The following SLC2A14 variants were observed in gnomAD, a reference collection of about 807,000 sequenced individuals.
The protein encoded by SLC2A14 is solute carrier family 2, facilitated glucose transporter member 14.
Under a neutral mutation model 43.0 loss-of-function variants are expected in SLC2A14, and 13 were observed. The observed-to-expected ratio is 0.30, with a 90% confidence interval of 0.20 to 0.48. The LOEUF (loss-of-function observed/expected upper bound fraction) is 0.48, where lower values mean the gene tolerates loss of function less well. SLC2A14 is among the 20% of genes least tolerant of loss of function. The pLI is 0.99. For missense variants in SLC2A14, 428 were observed against 620.4 expected, an observed-to-expected ratio of 0.69 and a Z score of 3.29; for synonymous variants, 190 against 233.8, an observed-to-expected ratio of 0.81 and a Z score of 1.71.
chr12:7,856,146 C>T (rs1344209069), intron 2 of SLC2A14: 3 of 152,092 alleles, frequency 2.0e-5, no homozygotes, highest in African/African-American at 7.2e-5. Flanking sequence ...TTTCCTAAAA[C>T]TGGTTTTCTT....
At position 7,840,159 on chromosome 12, in the gene SLC2A14, C is replaced by A. The variant is rs1264085025; in HGVS notation, c.19-7345G>T. On this transcript the variant is annotated intron_variant, in intron 2 of 10. Transcript: ENST00000431042. ...GTGGGGGGACTTCAGAGAGTTTGCT[C>A]CTTTTTTTTTTTTTTTTTTTTTTTT... Among the ~76,000 whole-genome samples, 249 of 92,508 alleles carry A rather than the reference C, an allele frequency of 2.7e-3. 1 individual carries two copies. The highest frequency in any genetic ancestry group is 9.4e-3 in the African/African-American group (235 of 24,966). The allele number at this position is 92,508 out of a possible 152,430, so 60.7% of individuals were successfully genotyped here. A position where few individuals can be genotyped will look rare whatever the true frequency, so the allele number is the denominator to read the frequency against.
At chr12:7,878,976 C>CAAAAAAAAAAAAAAA (rs58838986) in intron 1 of SLC2A14, among the ~76,000 whole-genome samples, 1 of 69,332 alleles carries the variant, frequency 1.4e-5, no homozygotes, top group Non-Finnish European at 2.7e-5. Flanking sequence ...GAGTCCGTCT[C>CAAAAAAAAAAAAAAA]AAAAAAAAAA....
chr12:7,881,270 G>A (rs1174050184), intron 1 of SLC2A14, among the ~76,000 whole-genome samples: 2 of 152,212 alleles, frequency 1.3e-5, no homozygotes, highest in Non-Finnish European at 2.9e-5. Context: ...GCTTGCGGGA[G>A]GTGTGGAGGG....
intron 2 of SLC2A14, among the ~76,000 whole-genome samples, chr12:7,835,084 C>A (rs1460587681): frequency 2.9e-5 from 4 of 138,782 alleles, no homozygotes; most frequent in Admixed American, 1.5e-4. Flanking sequence ...CTTTTGAAAT[C>A]TTTCTGTAGC....
At chr12:7,883,263 C>CTTTTTTTTTTTTTT (rs372464881) in intron 1 of SLC2A14, among the ~76,000 whole-genome samples, 18 of 108,390 alleles carry the variant, frequency 1.7e-4, no homozygotes, top group African/African-American at 2.5e-4. Context: ...TTCTTTCTTT[C>CTTTTTTTTTTTTTT]TTTTTTTTTT....
intron 2 of SLC2A14, among the ~76,000 whole-genome samples, chr12:7,845,647 C>T (rs1866403850): frequency 6.6e-6 from 1 of 151,304 alleles, no homozygotes; most frequent in Non-Finnish European, 1.5e-5. Flanking sequence ...GGCGTGGTGG[C>T]AGGCGCCTGT....
chr12:7,842,947 C>T (rs760253106), intron 2 of SLC2A14, among the ~76,000 whole-genome samples: 9 of 152,096 alleles, frequency 5.9e-5, no homozygotes, highest in South Asian at 2.1e-4. Context: ...AGGCTGGTCT[C>T]GAACTCCCGA....
chr12:7,868,169 C>T (rs182813963), intron 2 of SLC2A14, among the ~76,000 whole-genome samples: 46 of 152,234 alleles, frequency 3.0e-4, no homozygotes, highest in Non-Finnish European at 3.7e-4. Flanking sequence ...CCTGATCAGT[C>T]GGCAGCCATC....
intron 2 of SLC2A14, among the ~76,000 whole-genome samples, chr12:7,840,372 T>G (rs1865851539): frequency 6.6e-6 from 1 of 151,536 alleles, no homozygotes; most frequent in Non-Finnish European, 1.5e-5. Flanking sequence ...CTCAGTTTTG[T>G]TTTTGTTTTT....
At chr12:7,851,182 C>T (rs1866914109) in intron 2 of SLC2A14, among the ~76,000 whole-genome samples, 1 of 151,884 alleles carries the variant, frequency 6.6e-6, no homozygotes, top group African/African-American at 2.4e-5. Flanking sequence ...GTGCTGAAAA[C>T]TTAAGTCATT....
At chr12:7,839,762 G>C in intron 2 of SLC2A14, 1 of 448,216 alleles carries the variant, frequency 2.2e-6, no homozygotes, top group Admixed American at 2.4e-5. Flanking sequence ...TCCATGGAGG[G>C]AGTAATACCC....
At chr12:7,888,827 T>C (rs1336580799) in intron 1 of SLC2A14, among the ~76,000 whole-genome samples, 1 of 147,090 alleles carries the variant, frequency 6.8e-6, no homozygotes, top group Non-Finnish European at 1.5e-5. Flanking sequence ...AAAAAAGGAA[T>C]ATCAGGAGAA....
At chr12:7,841,334 C>G (rs1865928853) in intron 2 of SLC2A14, among the ~76,000 whole-genome samples, 1 of 152,098 alleles carries the variant, frequency 6.6e-6, no homozygotes, top group Non-Finnish European at 1.5e-5. Flanking sequence ...GATCTCGGCT[C>G]ACTGCAACCT....
chr12:7,841,611 C>T (rs757205241), intron 2 of SLC2A14, among the ~76,000 whole-genome samples: 11 of 152,198 alleles, frequency 7.2e-5, no homozygotes, highest in Non-Finnish European at 1.5e-4. Context: ...ATTATTATTA[C>T]ATAAAGTCCA....
intron 2 of SLC2A14, among the ~76,000 whole-genome samples, chr12:7,838,114 A>C (rs1047525211): frequency 6.2e-5 from 9 of 144,206 alleles, no homozygotes; most frequent in Non-Finnish European, 1.2e-4. Flanking sequence ...TCGAGACAGA[A>C]TCTCGCTCTG....
chr12:7,865,036 T>C (rs1374692033), intron 2 of SLC2A14, among the ~76,000 whole-genome samples: 2 of 152,184 alleles, frequency 1.3e-5, no homozygotes, highest in African/African-American at 2.4e-5. Context: ...GTGGCAATCC[T>C]ATGTTAAGCA....
intron 10 of SLC2A14, among the ~76,000 whole-genome samples, chr12:7,816,005 A>G (rs937576102): frequency 6.6e-6 from 1 of 151,862 alleles, no homozygotes; most frequent in Non-Finnish European, 1.5e-5. Context: ...TGTTCAAGCA[A>G]TTCTCCTGCC....
At chr12:7,840,697 G>A (rs755523617) in intron 2 of SLC2A14, among the ~76,000 whole-genome samples, 1 of 152,282 alleles carries the variant, frequency 6.6e-6, no homozygotes, top group East Asian at 1.9e-4. Flanking sequence ...GTGTTGTTTT[G>A]TTATAGCAGC....
chr12:7,831,380 T>A, intron 4 of SLC2A14: 1 of 558,476 alleles, frequency 1.8e-6, no homozygotes, highest in South Asian at 2.6e-5. Context: ...CAAAGGCCAA[T>A]CACTCACACA....
Sources: gnomAD v4.1 joint callset for allele counts (sites outside exome capture counted in the v4.1 genomes callset) on GRCh38, gnomAD v4.1.1 for gene constraint, MANE v1.5 for transcripts, NCBI Gene and HGNC (gene_info 2026-07-23, HGNC 2026-07-21) for gene names.